The following COL21A1 variants were observed in gnomAD, a reference collection of about 807,000 sequenced individuals.
COL21A1 encodes collagen alpha-1(XXI) chain.
COL21A1 carries 149 observed loss-of-function variants against 137.9 expected under a neutral mutation model. That is an observed-to-expected ratio of 1.08 (90% CI 0.95 to 1.24). COL21A1 has a LOEUF of 1.24. COL21A1 is among the 50% of genes most tolerant of loss of function. The probability of loss-of-function intolerance (pLI) is 0.00; values close to 1 mark genes in which losing one functional copy is unlikely to be tolerated. For missense variants in COL21A1, 1,167 were observed against 1,158.4 expected, an observed-to-expected ratio of 1.01 and a Z score of -0.11; for synonymous variants, 456 against 391.5, an observed-to-expected ratio of 1.16 and a Z score of -1.95.
rs1382083340 is a variant in COL21A1 at position 56,099,010 on chromosome 6, C to T, written c.1812+2462G>A. Among the ~76,000 whole-genome samples, 4 of 150,706 alleles carry T rather than the reference C, an allele frequency of 2.7e-5. No homozygotes were observed. In the East Asian group the frequency reaches 6.0e-4, roughly 23 times the overall value. Reference sequence around the variant, plus strand: ...GATTACAGGCGTGAGCCACTGCACCCGGCCTATGTTTAATATTTCTTTTAT... The same window carrying T: ...GATTACAGGCGTGAGCCACTGCACCTGGCCTATGTTTAATATTTCTTTTAT... On this transcript the variant is annotated intron_variant, in intron 17 of 29. Transcript: ENST00000244728.
intron 1 of COL21A1, among the ~76,000 whole-genome samples, chr6:56,234,570 G>A (rs375982347): frequency 6.6e-6 from 1 of 151,466 alleles, no homozygotes; most frequent in Non-Finnish European, 1.5e-5. Context: ...AATACAAAAG[G>A]CAACGTTTTC....
chr6:56,181,698 TAG>T (rs1207537597), intron 2 of COL21A1, among the ~76,000 whole-genome samples: 2 of 152,110 alleles, frequency 1.3e-5, no homozygotes, highest in African/African-American at 2.4e-5. Context: ...ACCTCTTCCT[TAG>T]AGAGATGAAT....
chr6:56,371,067 C>G (rs1487791797), intron 1 of COL21A1, among the ~76,000 whole-genome samples: 3 of 152,250 alleles, frequency 2.0e-5, no homozygotes, highest in Non-Finnish European at 4.4e-5. Context: ...ACCACAACTT[C>G]TGCTCACCAG....
intron 16 of COL21A1, among the ~76,000 whole-genome samples, chr6:56,113,419 A>T (rs1321906430): frequency 6.6e-6 from 1 of 152,176 alleles, no homozygotes; most frequent in African/African-American, 2.4e-5. Context: ...TCCAGGCCTT[A>T]GCTCATTTCT....
intron 1 of COL21A1, among the ~76,000 whole-genome samples, chr6:56,296,306 T>A (rs72866982): frequency 0.01 from 1,556 of 152,064 alleles, 17 homozygotes; most frequent in Non-Finnish European, 0.018. Context: ...TAACTTGCAA[T>A]GGGTATAGTT....
At chr6:56,078,386 C>T (rs570892768) in intron 17 of COL21A1, among the ~76,000 whole-genome samples, 12 of 151,610 alleles carry the variant, frequency 7.9e-5, no homozygotes, top group East Asian at 3.9e-4. Context: ...ATTTTGGTGA[C>T]ATTTGAGCTG....
intron 1 of COL21A1, among the ~76,000 whole-genome samples, chr6:56,228,576 G>A (rs934528374): frequency 6.8e-6 from 1 of 147,176 alleles, no homozygotes; most frequent in Non-Finnish European, 1.5e-5. Context: ...GACATGAAAT[G>A]GTTCATACAT....
chr6:56,372,660 A>G (rs751123780), intron 1 of COL21A1, among the ~76,000 whole-genome samples: 1 of 152,202 alleles, frequency 6.6e-6, no homozygotes, highest in East Asian at 1.9e-4. Context: ...AGTGGGGGGA[A>G]AAAAGCTTCA....
At chr6:56,083,992 T>C (rs1235024846) in intron 17 of COL21A1, among the ~76,000 whole-genome samples, 1 of 151,936 alleles carries the variant, frequency 6.6e-6, no homozygotes, top group African/African-American at 2.4e-5. Flanking sequence ...TTATTAAAAA[T>C]TTATCATGCA....
At chr6:56,135,750 T>C (rs1773949778) in intron 12 of COL21A1, among the ~76,000 whole-genome samples, 1 of 152,244 alleles carries the variant, frequency 6.6e-6, no homozygotes, top group Non-Finnish European at 1.5e-5. Context: ...AAACAGTCCC[T>C]ACATCGTATA....
intron 17 of COL21A1, among the ~76,000 whole-genome samples, chr6:56,100,760 T>C (rs1021315946): frequency 1.3e-5 from 2 of 152,188 alleles, no homozygotes; most frequent in African/African-American, 4.8e-5. Flanking sequence ...CTACCCTATT[T>C]AAGAAGCTTT....
At chr6:56,230,127 G>T (rs892723724) in intron 1 of COL21A1, among the ~76,000 whole-genome samples, 2 of 151,882 alleles carry the variant, frequency 1.3e-5, no homozygotes, top group African/African-American at 4.8e-5. Flanking sequence ...ATTTCTTCCT[G>T]TGGGTCCTGT....
chr6:56,366,604 C>T (rs9475687), intron 1 of COL21A1, among the ~76,000 whole-genome samples: 28,575 of 152,158 alleles, frequency 0.19, 2,947 homozygotes, highest in African/African-American at 0.25. Context: ...TCTTGTGGAG[C>T]TCTGCCCCCT....
At chr6:56,085,610 C>G (rs1768168452) in intron 17 of COL21A1, among the ~76,000 whole-genome samples, 1 of 151,986 alleles carries the variant, frequency 6.6e-6, no homozygotes, top group Non-Finnish European at 1.5e-5. Flanking sequence ...TTTTGTCTTC[C>G]TACTGTGTTC....
At chr6:56,325,983 A>AT (rs1765076110) in intron 1 of COL21A1, among the ~76,000 whole-genome samples, 1 of 18,058 alleles carries the variant, frequency 5.5e-5, no homozygotes, top group African/African-American at 3.5e-4. Context: ...TATATTATAT[A>AT]ATATATGTAT....
intron 5 of COL21A1, among the ~76,000 whole-genome samples, chr6:56,169,908 C>A (rs1303503036): frequency 6.6e-6 from 1 of 151,686 alleles, no homozygotes; most frequent in African/African-American, 2.4e-5. Context: ...CAGCAAATAA[C>A]AATTTTTTAA....
chr6:56,318,303 A>T (rs530674145), intron 1 of COL21A1, among the ~76,000 whole-genome samples: 2 of 152,252 alleles, frequency 1.3e-5, no homozygotes, highest in East Asian at 3.9e-4. Flanking sequence ...GAAAGTGAAC[A>T]TGGCTAAAAA....
At position 56,287,307 on chromosome 6, in the gene COL21A1, GA is replaced by G. The variant is rs1473432734; in HGVS notation, c.-38-104652del. Among the ~76,000 whole-genome samples the G allele has an allele frequency of 8.5e-5, 13 of 152,298 alleles. No individual in the cohort carries two copies. In the East Asian group the frequency reaches 1.9e-3, roughly 23 times the overall value. ...AAAAATGTCCGTGTCCTAATCTTCA[GA>G]ACCTGTGAATATGTTAGGTTACACA... On this transcript the variant is annotated intron_variant, in intron 1 of 28. Coordinates refer to the COL21A1 transcript ENST00000370819.
chr6:56,185,426 CTTTTT>C (rs777045553), intron 1 of COL21A1, among the ~76,000 whole-genome samples: 6 of 100,160 alleles, frequency 6.0e-5, no homozygotes, highest in African/African-American at 2.0e-4. Flanking sequence ...AATGAACAGT[CTTTTT>C]TTTTTTTTTT....
Sources: allele counts gnomAD v4.1 joint callset (sites outside exome capture counted in the v4.1 genomes callset), GRCh38; gene constraint gnomAD v4.1.1; transcripts MANE v1.5; gene names NCBI Gene and HGNC (gene_info 2026-07-23, HGNC 2026-07-21).